The following ZNF618 variants were observed in gnomAD, a reference collection of about 807,000 sequenced individuals.
ZNF618 encodes the protein neural precursor cell expressed, developmentally down-regulated 10.
ZNF618 carries 34 observed loss-of-function variants against 103.0 expected under a neutral mutation model. That is an observed-to-expected ratio of 0.33 (90% CI 0.25 to 0.44). ZNF618 has a LOEUF of 0.44. Among genes scored for constraint, ZNF618 ranks in the 20% least tolerant of loss-of-function variants. The pLI, the probability that ZNF618 is intolerant of heterozygous loss-of-function variation, is 1.00. For missense variants in ZNF618, 1,059 were observed against 1,295.4 expected (o/e 0.82, Z 2.80); for synonymous variants, 551 against 542.2 (o/e 1.02, Z -0.23).
intron 6 of ZNF618, among the ~76,000 whole-genome samples, chr9:114,003,251 C>T (rs754624282): frequency 4.6e-5 from 7 of 152,370 alleles, no homozygotes; most frequent in Non-Finnish European, 1.0e-4. Flanking sequence ...CCCTGCTTGC[C>T]ATCCCTCCAG....
chr9:113,925,916 G>A (rs1833044957), intron 1 of ZNF618, among the ~76,000 whole-genome samples: 4 of 152,058 alleles, frequency 2.6e-5, no homozygotes, highest in Admixed American at 2.6e-4. Flanking sequence ...AGGTAAGAAT[G>A]AGAAAAATAA....
intron 1 of ZNF618, among the ~76,000 whole-genome samples, chr9:113,950,453 C>T (rs1042541194): frequency 1.4e-4 from 22 of 152,168 alleles, no homozygotes; most frequent in African/African-American, 5.1e-4. Context: ...CGCCAGTAAC[C>T]ATGGGTTGAT....
At chr9:113,987,396 C>T (rs192969367) in intron 2 of ZNF618, among the ~76,000 whole-genome samples, 2 of 152,286 alleles carry the variant, frequency 1.3e-5, no homozygotes, top group Admixed American at 6.5e-5. Context: ...GAGTGACCCA[C>T]GCCCTGCCCT....
At chr9:113,933,264 A>G (rs1040186853) in intron 1 of ZNF618, among the ~76,000 whole-genome samples, 5 of 152,208 alleles carry the variant, frequency 3.3e-5, no homozygotes, top group African/African-American at 1.2e-4. Context: ...AGTTTGCTCT[A>G]AAGAGGAACA....
chr9:114,028,991 AC>A lies in ZNF618; in HGVS notation c.1084+24del. The A allele has an allele frequency of 6.5e-7, 1 of 1,543,104 alleles. No individual in the cohort carries two copies. On this transcript the variant is annotated intron_variant, in intron 11 of 14. Transcript: ENST00000374126. ...ACCGCAGGTACCAATGGCCTATGTG[AC>A]CCCCACACTTTCTCCCCCACTGCCC...
rs1346692825 is a variant in ZNF618, at chr9:113,953,748, T to C, written c.34-15369T>C. 5.9e-5 allele frequency among the ~76,000 whole-genome samples: 9 copies of C among 152,318 alleles called. No homozygotes were observed. In the East Asian group the frequency reaches 1.7e-3, roughly 29 times the overall value. On this transcript the variant is annotated intron_variant, in intron 1 of 14. Transcript: ENST00000374126. ...CAGGCTTCCGGGAACCTGAGTCATC[T>C]TCCCCTTTAAGGATGCTATGTAGAC...
At chr9:113,905,023 C>T (rs1456071156) in intron 1 of ZNF618, among the ~76,000 whole-genome samples, 1 of 152,076 alleles carries the variant, frequency 6.6e-6, no homozygotes, top group East Asian at 1.9e-4. Context: ...ACAGGGAGGG[C>T]ATTATTCTAT....
intron 1 of ZNF618, among the ~76,000 whole-genome samples, chr9:113,913,455 T>C (rs1381335435): frequency 1.3e-5 from 2 of 152,270 alleles, no homozygotes; most frequent in East Asian, 3.8e-4. Context: ...CAATGTTCTT[T>C]AGCCAGTATC....
intron 10 of ZNF618, among the ~76,000 whole-genome samples, chr9:114,019,392 TGTTTAACTTTTTA>T (rs554613772): frequency 4.5e-4 from 69 of 152,330 alleles, no homozygotes; most frequent in African/African-American, 1.5e-3. Flanking sequence ...GGGAATAGTA[TGTTTAACTTTTTA>T]ATAAGTGACA....
At chr9:113,933,160 T>G (rs1472955279) in intron 1 of ZNF618, among the ~76,000 whole-genome samples, 1 of 152,142 alleles carries the variant, frequency 6.6e-6, no homozygotes, top group Non-Finnish European at 1.5e-5. Flanking sequence ...ATGACTTCAG[T>G]GGAGTCCTGT....
At position 113,998,281 on chromosome 9, in the gene ZNF618, C is replaced by T; in HGVS notation, c.360C>T (p.Ser120=). The change falls in exon 4 of 15, where the codon AGC becomes AGT. Residue 120 remains serine, a synonymous_variant. Coordinates refer to ENST00000374126, the MANE Select transcript of ZNF618 (RefSeq NM_001318042.2). ...QTLDGKAPEG[S]PHGGSVRSRY... ...CAGATGGAAAAGCGCCCGAAGGCAGCCCCCACGGTGGATCTGTGCGAAGCC... is the reference window on the plus strand; with the variant it reads ...CAGATGGAAAAGCGCCCGAAGGCAGTCCCCACGGTGGATCTGTGCGAAGCC... The T allele has an allele frequency of 6.4e-7, 1 of 1,550,596 alleles. No homozygotes were observed. Among genetic ancestry groups the T allele is most frequent in the Non-Finnish European group, 8.7e-7 (1 of 1,146,994 alleles).
Position 114,047,878 on chromosome 9 carries a change from C to G in ZNF618, c.1247-15C>G, listed in dbSNP as rs201673883. Reference sequence around the variant, plus strand: ...TACCCTTCCAGGTAACACACTGTCCCCTTTGTGCCCACAGCTGACAATGAA... The same window carrying G: ...TACCCTTCCAGGTAACACACTGTCCGCTTTGTGCCCACAGCTGACAATGAA... On this transcript the variant is annotated splice_polypyrimidine_tract_variant and intron_variant, in intron 13 of 14. Transcript: ENST00000374126. 1 of 1,585,044 alleles carries G rather than the reference C, an allele frequency of 6.3e-7. No homozygotes were observed. Among genetic ancestry groups the G allele is most frequent in the Non-Finnish European group, 8.6e-7 (1 of 1,165,258 alleles).
chr9:113,968,864 C>G (rs1382586717), intron 1 of ZNF618, among the ~76,000 whole-genome samples: 1 of 152,140 alleles, frequency 6.6e-6, no homozygotes, highest in Non-Finnish European at 1.5e-5. Flanking sequence ...AGTGCAGTTG[C>G]TGAGTTTGTG....
chr9:114,031,857 A>G (rs1844079425), intron 11 of ZNF618, among the ~76,000 whole-genome samples: 1 of 152,062 alleles, frequency 6.6e-6, no homozygotes, highest in East Asian at 1.9e-4. Context: ...AGCACCTTGG[A>G]AAAGCTGGGC....
At chr9:113,954,464 TC>T in intron 1 of ZNF618, among the ~76,000 whole-genome samples, 1 of 152,184 alleles carries the variant, frequency 6.6e-6, no homozygotes, top group Non-Finnish European at 1.5e-5. Context: ...GGCATCCATT[TC>T]CCAGACTTCC....
intron 6 of ZNF618, among the ~76,000 whole-genome samples, chr9:114,004,853 T>G (rs1036510759): frequency 1.3e-5 from 2 of 152,220 alleles, no homozygotes; most frequent in African/African-American, 4.8e-5. Flanking sequence ...AGAAATGAAA[T>G]GAGGTCTCAC....
At chr9:113,964,624 C>T (rs4979309) in intron 1 of ZNF618, among the ~76,000 whole-genome samples, 29,052 of 151,846 alleles carry the variant, frequency 0.19, 3,148 homozygotes, top group East Asian at 0.32. Flanking sequence ...CACAGCGGTT[C>T]CCCACGTGCT....
At chr9:114,021,953 A>G (rs1843106258) in intron 10 of ZNF618, among the ~76,000 whole-genome samples, 1 of 152,120 alleles carries the variant, frequency 6.6e-6, no homozygotes, top group African/African-American at 2.4e-5. Context: ...GTAGTATTCC[A>G]TTTCCAGATA....
chr9:114,035,642 C>G (rs763477914), intron 12 of ZNF618, among the ~76,000 whole-genome samples: 3 of 149,742 alleles, frequency 2.0e-5, no homozygotes, highest in Non-Finnish European at 4.4e-5. Flanking sequence ...CCTCCTCCCT[C>G]TTCTCTGCCA....
Sources: gnomAD v4.1 joint callset for allele counts (sites outside exome capture counted in the v4.1 genomes callset) on GRCh38, gnomAD v4.1.1 for gene constraint, MANE v1.5 for transcripts, NCBI Gene and HGNC (gene_info 2026-07-23, HGNC 2026-07-21) for gene names.